TMEM131L: variants seen among roughly 807,000 people sequenced by gnomAD.
TMEM131L encodes the protein transmembrane 131 like.
In TMEM131L, 54 loss-of-function variants were observed where a neutral mutation model predicts 192.2. That is an observed-to-expected ratio of 0.28 (90% confidence interval 0.23 to 0.35). The LOEUF (loss-of-function observed/expected upper bound fraction) is 0.35, where lower values mean the gene tolerates loss of function less well. Among genes scored for constraint, TMEM131L ranks in the 10% least tolerant of loss-of-function variants. TMEM131L has a pLI of 1.00. For synonymous variants in TMEM131L, 701 were observed against 704.9 expected, an observed-to-expected ratio of 0.99 and a Z score of 0.09; for missense variants, 1,888 against 1,972.9, an observed-to-expected ratio of 0.96 and a Z score of 0.82.
intron 28 of TMEM131L, among the ~76,000 whole-genome samples, chr4:153,622,539 C>T (rs1422637381): frequency 6.6e-6 from 1 of 152,168 alleles, no homozygotes; most frequent in Non-Finnish European, 1.5e-5. Flanking sequence ...TAGTGGATAT[C>T]TTATTAAAAG....
intron 24 of TMEM131L, 120 bp from the exon 25 acceptor site, chr4:153,603,682 A>C: frequency 8.5e-7 from 1 of 1,179,578 alleles, no homozygotes; most frequent in African/African-American, 1.5e-5. Context: ...CTTTGGAAGA[A>C]GGGAAGGTAA....
At chr4:153,527,361 C>T (rs927026516) in intron 3 of TMEM131L, among the ~76,000 whole-genome samples, 1 of 152,108 alleles carries the variant, frequency 6.6e-6, no homozygotes, top group Non-Finnish European at 1.5e-5. Flanking sequence ...CAGCCTCCGC[C>T]TCCTGGGTTC....
At chr4:153,569,317 C>A (rs2150590722) in intron 7 of TMEM131L, among the ~76,000 whole-genome samples, 1 of 152,278 alleles carries the variant, frequency 6.6e-6, no homozygotes, top group East Asian at 1.9e-4. Flanking sequence ...CCCCTGATTT[C>A]TTTGTTGACC....
At chr4:153,577,553 G>A (rs1489460510) in intron 7 of TMEM131L, among the ~76,000 whole-genome samples, 1 of 152,152 alleles carries the variant, frequency 6.6e-6, no homozygotes, top group Admixed American at 6.5e-5. Flanking sequence ...TAAAGGAACG[G>A]GCATGGCTGT....
chr4:153,629,017 A>G (rs181044337), intron 31 of TMEM131L, among the ~76,000 whole-genome samples: 45 of 152,180 alleles, frequency 3.0e-4, no homozygotes, highest in Admixed American at 2.9e-3. Context: ...GGCCTGATCC[A>G]TTGTTACAGT....
chr4:153,583,096 A>AT, intron 9 of TMEM131L, 94 bp from the exon 10 acceptor site: 1 of 737,250 alleles, frequency 1.4e-6, no homozygotes, highest in Non-Finnish European at 2.5e-6. Context: ...GTAATGTGGT[A>AT]TTTTAATGAT....
Position 153,636,706 on chromosome 4 carries a change from A to G in TMEM131L, c.*130A>G. On this transcript the variant is annotated 3_prime_UTR_variant, in exon 35 of 35. Transcript: ENST00000409959. ...CTTTTATATGAAAATAAATTTTTTA[A>G]TGAAATCTGGGTGCTCTGTTTTTTT... 1 of 873,002 alleles carries G rather than the reference A, an allele frequency of 1.1e-6. No homozygotes were observed. The highest frequency in any genetic ancestry group is 1.7e-6 in the Non-Finnish European group (1 of 586,196). 54.1% of individuals were successfully genotyped at this position (873,002 alleles called of 1,614,324 possible). A position where few individuals can be genotyped will look rare whatever the true frequency, so the allele number is the denominator to read the frequency against.
At position 153,636,536 on chromosome 4, in the gene TMEM131L, T is replaced by C. The variant is rs1252932620; in HGVS notation, c.4793T>C (p.Phe1598Ser). The change falls in exon 35 of 35, where the codon TTC (phenylalanine) becomes TCC (serine). Residue 1598 changes from phenylalanine (F) to serine (S), a missense_variant. Transcript: ENST00000409959. ...WTTTANRNANFPLSRDSSYCG... is the reference protein window; with the variant it reads ...WTTTANRNANSPLSRDSSYCG... Reference sequence around the variant, plus strand: ...ACCACAGCGAATAGGAATGCAAATTTCCCACTGTCTAGAGACTCGAGTTAC... The same window carrying C: ...ACCACAGCGAATAGGAATGCAAATTCCCCACTGTCTAGAGACTCGAGTTAC... The C allele has an allele frequency of 6.2e-7, 1 of 1,614,188 alleles. No individual in the cohort carries two copies. Among genetic ancestry groups the C allele is most frequent in the Non-Finnish European group, 8.5e-7 (1 of 1,180,000 alleles).
intron 7 of TMEM131L, among the ~76,000 whole-genome samples, chr4:153,572,134 C>T (rs1729630115): frequency 1.3e-5 from 2 of 151,922 alleles, no homozygotes; most frequent in South Asian, 4.2e-4. Context: ...TGTAACGATC[C>T]ACTCAGGGTA....
chr4:153,488,000 T>TAAGA (rs1554020538), intron 3 of TMEM131L, among the ~76,000 whole-genome samples: 1 of 149,898 alleles, frequency 6.7e-6, no homozygotes, highest in African/African-American at 2.5e-5. Context: ...TGTGTATGTA[T>TAAGA]GAGAGACAAG....
At chr4:153,618,244 G>A (rs763390587) in intron 26 of TMEM131L, among the ~76,000 whole-genome samples, 5 of 151,922 alleles carry the variant, frequency 3.3e-5, no homozygotes, top group Admixed American at 6.6e-5. Context: ...TTCAGCTGAC[G>A]CAGGAGAATC....
At chr4:153,480,325 C>T (rs893317884) in intron 3 of TMEM131L, among the ~76,000 whole-genome samples, 27 of 149,544 alleles carry the variant, frequency 1.8e-4, no homozygotes, top group African/African-American at 6.7e-4. Context: ...GGCGACAGAG[C>T]GAGACTCCGT....
chr4:153,542,715 G>A (rs1035761864), intron 3 of TMEM131L, among the ~76,000 whole-genome samples: 4 of 152,170 alleles, frequency 2.6e-5, no homozygotes, highest in Admixed American at 2.0e-4. Context: ...GACTTGAAGC[G>A]GCTAGGGAAG....
chr4:153,481,875 T>C (rs1473733093), intron 3 of TMEM131L, among the ~76,000 whole-genome samples: 1 of 151,096 alleles, frequency 6.6e-6, no homozygotes, highest in African/African-American at 2.4e-5. Context: ...TGAGACGGAG[T>C]CTCACTCTGT....
At chr4:153,601,605 G>A (rs114395597) in intron 21 of TMEM131L, among the ~76,000 whole-genome samples, 2,255 of 152,282 alleles carry the variant, frequency 0.015, 38 homozygotes, top group Non-Finnish European at 0.021. Flanking sequence ...AAATTCACAA[G>A]GATATTTAAA....
Position 153,626,200 on chromosome 4 carries a change from CTT to C in TMEM131L, c.4101_4102del (p.His1369Ter). On this transcript the variant is annotated frameshift_variant, in exon 30 of 35. Coordinates refer to ENST00000409959, the MANE Select transcript of TMEM131L (RefSeq NM_001131007.2). LOFTEE classifies it high-confidence loss of function. ...FPSEAPISLN[L>X]SHNICNPMTV... is the part of the protein sequence containing the mutation. ...TTCTGAAGCTCCCATCTCCTTGAATCTTTCTCATAACATCTGCAATCCCATGT... is the reference window on the plus strand; with the variant it reads ...TTCTGAAGCTCCCATCTCCTTGAATCTCTCATAACATCTGCAATCCCATGT... 6.2e-7 allele frequency: 1 copy of C among 1,611,142 alleles called. No homozygotes were observed. Among genetic ancestry groups the C allele is most frequent in the Non-Finnish European group, 8.5e-7 (1 of 1,177,404 alleles).
rs1399049641 is a variant in TMEM131L, at chr4:153,602,217, C to T, written c.2332C>T (p.Leu778Phe). 7.4e-6 allele frequency: 12 copies of T among 1,612,604 alleles called. No individual in the cohort carries two copies. The Admixed American group carries it at 1.5e-4, about 20-fold the overall frequency. The stretch of plus-strand genomic sequence containing the variant: ...CTTTAAAGTTGAGAATATTGGACCT[C>T]TTCCTATAACTGTTTCGTCTCTGAA... Reference protein sequence around the residue: ...KNFKVENIGPLPITVSSLKIN... With the variant: ...KNFKVENIGPFPITVSSLKIN... The change falls in exon 22 of 35, where the codon CTT becomes TTT. Residue 778 changes from leucine (L) to phenylalanine (F), a missense_variant. Physicochemically the swap from Leu to Phe is conservative, Grantham distance 22. Transcript: ENST00000409959.
chr4:153,582,568 C>A (rs80186212), intron 9 of TMEM131L, among the ~76,000 whole-genome samples: 1 of 151,570 alleles, frequency 6.6e-6, no homozygotes, highest in Non-Finnish European at 1.5e-5. Context: ...CATGAGCCAC[C>A]GTGCCCTGCT....
chr4:153,484,210 A>C (rs1561119840), intron 3 of TMEM131L, among the ~76,000 whole-genome samples: 1 of 152,054 alleles, frequency 6.6e-6, no homozygotes, highest in African/African-American at 2.4e-5. Flanking sequence ...GTAAATAGTA[A>C]TTTTCCCCCC....
Sources: gnomAD v4.1 joint callset for allele counts (sites outside exome capture counted in the v4.1 genomes callset) on GRCh38, gnomAD v4.1.1 for gene constraint, MANE v1.5 for transcripts, NCBI Gene and HGNC (gene_info 2026-07-23, HGNC 2026-07-21) for gene names.